Variants in CCR1 observed in about 807,000 individuals in gnomAD.
The protein encoded by CCR1 is C-C chemokine receptor type 1.
In CCR1, 1 loss-of-function variant was observed where a neutral mutation model predicts 0.3. The ratio of observed to expected loss-of-function variants is 3.70; its 90% CI spans 1.31 to 17.54. The LOEUF (loss-of-function observed/expected upper bound fraction) is 17.54. CCR1 is among the 30% of genes most tolerant of loss of function. CCR1 has a pLI of 0.11. For synonymous variants in CCR1, 207 were observed against 182.5 expected, an observed-to-expected ratio of 1.13 and a Z score of -1.08; for missense variants, 349 against 435.4, an observed-to-expected ratio of 0.80 and a Z score of 1.77.
rs200519093 is a variant in CCR1, at chr3:46,201,839, C to A, written c.*1407G>T. On this transcript the variant is annotated 3_prime_UTR_variant, in exon 2 of 2. Coordinates refer to ENST00000296140, the MANE Select transcript of CCR1 (RefSeq NM_001295.3). The stretch of plus-strand genomic sequence containing the variant: ...TCATAAATATGCACCCAACAAAAAA[C>A]AAACTAAAAGAAAATACACTCAAAA... 6.6e-6 allele frequency: 1 copy of A among 152,228 alleles called. No individual in the cohort carries two copies. The highest frequency in any genetic ancestry group is 1.9e-4 in the East Asian group (1 of 5,188). The allele number at this position is 152,228 out of a possible 1,614,324, so 9.4% of individuals were successfully genotyped here.
rs1314093334 is a variant in CCR1 at position 46,203,482 on chromosome 3, G to A, written c.832C>T (p.His278Tyr). 8.1e-6 allele frequency: 13 copies of A among 1,614,164 alleles called. No homozygotes were observed. Among genetic ancestry groups the A allele is most frequent in the Non-Finnish European group, 1.1e-5 (13 of 1,180,014 alleles). ...GTCACTTGCACAGCCAGGTCCAAAT[G>A]TCTGCTCTGCTCACACTCATGGGTG... ...LFTHECEQSRHLDLAVQVTEV... is the reference protein window; with the variant it reads ...LFTHECEQSRYLDLAVQVTEV... Residue 278 changes from histidine to tyrosine, a missense_variant, in exon 2 of 2, where the codon CAT (histidine) becomes TAT (tyrosine). His to Tyr is a moderately conservative substitution (Grantham distance 83). Transcript: ENST00000296140. The surrounding 1 kb of genome is among the most constrained non-coding windows in gnomAD (Gnocchi z 4.5).
intron 1 of CCR1, among the ~76,000 whole-genome samples, chr3:46,204,684 C>G (rs372748790): frequency 1.2e-4 from 19 of 152,290 alleles, no homozygotes; most frequent in African/African-American, 4.6e-4. Context: ...ACCCCCATGG[C>G]CTAGGCACTG....
chr3:46,206,662 AC>A (rs1038497899), intron 1 of CCR1, among the ~76,000 whole-genome samples: 1 of 151,610 alleles, frequency 6.6e-6, no homozygotes, highest in Non-Finnish European at 1.5e-5. Context: ...ACCTCCATAC[AC>A]CCCCTACCTC....
chr3:46,204,319 C>A lies in CCR1; in HGVS notation c.-6G>T. 6.5e-7 allele frequency: 1 copy of A among 1,538,816 alleles called. No individual in the cohort carries two copies. The highest frequency in any genetic ancestry group is 8.7e-7 in the Non-Finnish European group (1 of 1,143,886). ...GTGGTGTTTGGAGTTTCCATCCCGGCTTCTCCTACAGGTTAAAAAAAAAAA... is the reference window on the plus strand; with the variant it reads ...GTGGTGTTTGGAGTTTCCATCCCGGATTCTCCTACAGGTTAAAAAAAAAAA... On this transcript the variant is annotated 5_prime_UTR_variant, in exon 2 of 2. Coordinates refer to ENST00000296140, the MANE Select transcript of CCR1 (RefSeq NM_001295.3).
chr3:46,202,789 G>A lies in CCR1; in HGVS notation c.*457C>T, dbSNP rs3136668. On this transcript the variant is annotated 3_prime_UTR_variant, in exon 2 of 2. Coordinates refer to ENST00000296140, the MANE Select transcript of CCR1 (RefSeq NM_001295.3). ...TTGGCAGTGGGAGGGTGGCGGGGGG[G>A]GGGAGGTGATGGAAGAACAGAAATT... is the stretch of plus-strand genomic sequence containing the variant. 10,532 of 150,872 alleles carry A rather than the reference G, an allele frequency of 0.07. 625 individuals are homozygous for A. Among genetic ancestry groups the A allele is most frequent in the South Asian group, 0.27 (1,286 of 4,734 alleles). The allele number at this position is 150,872 out of a possible 1,614,324, so 9.3% of individuals were successfully genotyped here.
At position 46,203,294 on chromosome 3, in the gene CCR1, G is replaced by A. The variant is rs765310023; in HGVS notation, c.1020C>T (p.Ser340=). The A allele has an allele frequency of 6.2e-7, 1 of 1,614,176 alleles. No homozygotes were observed. Among genetic ancestry groups the A allele is most frequent in the South Asian group, 1.1e-5 (1 of 91,084 alleles). Reference sequence around the variant, plus strand: ...GCTCCCCTGTGGAGGGAGATGTGGAGCTGACCCTCTCCAGCCTGTCCACGG... The same window carrying A: ...GCTCCCCTGTGGAGGGAGATGTGGAACTGACCCTCTCCAGCCTGTCCACGG... ...FLSVDRLERV[S]STSPSTGEHE... The change falls in exon 2 of 2, where the codon AGC becomes AGT. Residue 340 remains serine, a synonymous_variant. Transcript: ENST00000296140. This position sits in a 1 kb window ranked among gnomAD's most constrained non-coding sequence, Gnocchi z 4.5.
chr3:46,203,564 G>A lies in CCR1; in HGVS notation c.750C>T (p.Leu250=), dbSNP rs557588978. 17 of 1,614,104 alleles carry A rather than the reference G, an allele frequency of 1.1e-5. No individual in the cohort carries two copies. The African/African-American group carries it at 1.3e-4, about 13-fold the overall frequency. ...LIFVIMIIFF[L]FWTPYNLTIL... ...TAGTCAAATTGTAGGGGGTCCAAAA[G>A]AGAAAAAAGATGATCATGATGACAA... The change falls in exon 2 of 2, where the codon CTC becomes CTT. Residue 250 remains leucine (L), a synonymous_variant. Transcript: ENST00000296140. The surrounding 1 kb of genome is among the most constrained non-coding windows in gnomAD (Gnocchi z 4.5).
At chr3:46,204,471 G>T (rs1452169775) in intron 1 of CCR1, 147 bp from the exon 2 acceptor site, 5 of 577,598 alleles carry the variant, frequency 8.7e-6, no homozygotes, top group South Asian at 7.7e-5. Context: ...ATGCCCTGGG[G>T]ACAAAATGGA....
intron 1 of CCR1, among the ~76,000 whole-genome samples, chr3:46,207,334 T>C (rs571075932): frequency 1.3e-5 from 2 of 152,164 alleles, no homozygotes; most frequent in African/African-American, 4.8e-5. Context: ...ATGAAGTAGA[T>C]ACCTATACGG....
Position 46,203,987 on chromosome 3 carries a change from G to A in CCR1, c.327C>T (p.Leu109=), listed in dbSNP as rs753780523. 5 of 1,614,044 alleles carry A rather than the reference G, an allele frequency of 3.1e-6. No homozygotes were observed. Among genetic ancestry groups the A allele is most frequent in the South Asian group, 1.1e-5 (1 of 91,090 alleles). Residue 109 remains leucine (L), a synonymous_variant, in exon 2 of 2, where the codon CTC becomes CTT. Coordinates refer to ENST00000296140, the MANE Select transcript of CCR1 (RefSeq NM_001295.3). The surrounding 1 kb of genome is among the most constrained non-coding windows in gnomAD (Gnocchi z 4.5). ...ACAAGCCTGTGTAATAAAACCCAGA[G>A]AGGATCTTACACATGGCATCACCAA... ...WVFGDAMCKI[L]SGFYYTGLYS...
chr3:46,207,524 G>A (rs1699657291), intron 1 of CCR1, among the ~76,000 whole-genome samples: 1 of 152,150 alleles, frequency 6.6e-6, no homozygotes, highest in Non-Finnish European at 1.5e-5. Context: ...CTTCTTAAGA[G>A]ATAGGTTCAG....
At position 46,203,050 on chromosome 3, in the gene CCR1, A is replaced by G; in HGVS notation, c.*196T>C. 1 of 532,596 alleles carries G rather than the reference A, an allele frequency of 1.9e-6. No homozygotes were observed. Among genetic ancestry groups the G allele is most frequent in the East Asian group, 2.9e-5 (1 of 33,956 alleles). 33.0% of individuals were successfully genotyped at this position (532,596 alleles called of 1,614,324 possible). ...TCATTCATCTTCTTTCTACCAGGGG[A>G]GAAGTTCATGGAAAAGACTGAAGCC... On this transcript the variant is annotated 3_prime_UTR_variant, in exon 2 of 2. Transcript: ENST00000296140. This position sits in a 1 kb window ranked among gnomAD's most constrained non-coding sequence, Gnocchi z 4.5.
At chr3:46,206,511 C>T (rs1244230413) in intron 1 of CCR1, among the ~76,000 whole-genome samples, 1 of 152,164 alleles carries the variant, frequency 6.6e-6, no homozygotes, top group African/African-American at 2.4e-5. Context: ...GGCAGGTTAA[C>T]AGTGGAAGTA....
rs148016231 is a variant in CCR1 at position 46,203,702 on chromosome 3, G to A, written c.612C>T (p.Asn204=). The A allele has an allele frequency of 5.0e-6, 8 of 1,614,050 alleles. No homozygotes were observed. The African/African-American group carries it at 8.0e-5, about 16-fold the overall frequency. The change falls in exon 2 of 2, where the codon AAC becomes AAT. Residue 204 remains asparagine, a synonymous_variant. Coordinates refer to ENST00000296140, the MANE Select transcript of CCR1 (RefSeq NM_001295.3). The surrounding 1 kb of genome is among the most constrained non-coding windows in gnomAD (Gnocchi z 4.5). ...EWKLFQALKL[N]LFGLVLPLLV... ...ACAAAGGCAATACCAGCCCAAAGAGGTTCAGTTTCAGAGCCTGAAACAGCT... is the reference window on the plus strand; with the variant it reads ...ACAAAGGCAATACCAGCCCAAAGAGATTCAGTTTCAGAGCCTGAAACAGCT...
Position 46,201,966 on chromosome 3 carries a change from T to C in CCR1, c.*1280A>G, listed in dbSNP as rs1304071314. On this transcript the variant is annotated 3_prime_UTR_variant, in exon 2 of 2. Transcript: ENST00000296140. Reference sequence around the variant, plus strand: ...TTTAAGCTGTTTTAGAAATAAGTTTTGTTATTAGGAAAATTATTTTTAAAG... The same window carrying C: ...TTTAAGCTGTTTTAGAAATAAGTTTCGTTATTAGGAAAATTATTTTTAAAG... 1 of 152,216 alleles carries C rather than the reference T, an allele frequency of 6.6e-6. No individual in the cohort carries two copies. The highest frequency in any genetic ancestry group is 1.9e-4 in the East Asian group (1 of 5,198). The allele number at this position is 152,216 out of a possible 1,614,324, so 9.4% of individuals were successfully genotyped here. A position where few individuals can be genotyped will look rare whatever the true frequency, so the allele number is the denominator to read the frequency against.
intron 1 of CCR1, among the ~76,000 whole-genome samples, chr3:46,205,162 A>T (rs984085991): frequency 1.3e-5 from 2 of 152,188 alleles, no homozygotes; most frequent in Non-Finnish European, 2.9e-5. Flanking sequence ...TGGTGTTGCC[A>T]TAGTGAAATC....
intron 1 of CCR1, among the ~76,000 whole-genome samples, chr3:46,207,482 C>T (rs1365154047): frequency 4.6e-5 from 7 of 152,136 alleles, no homozygotes; most frequent in Non-Finnish European, 1.0e-4. Flanking sequence ...CCAAAGATAG[C>T]AGTGCCAATT....
At chr3:46,206,216 T>TA (rs1433009377) in intron 1 of CCR1, among the ~76,000 whole-genome samples, 3 of 152,110 alleles carry the variant, frequency 2.0e-5, no homozygotes, top group Non-Finnish European at 4.4e-5. Flanking sequence ...TTTTTTTCAA[T>TA]AGCCATTGTA....
At chr3:46,206,470 C>A (rs1024464074) in intron 1 of CCR1, among the ~76,000 whole-genome samples, 1 of 152,100 alleles carries the variant, frequency 6.6e-6, no homozygotes, top group Non-Finnish European at 1.5e-5. Context: ...GCAGACAGTT[C>A]GGTTTGATAG....
Sources: allele counts gnomAD v4.1 joint callset (sites outside exome capture counted in the v4.1 genomes callset), GRCh38; gene constraint gnomAD v4.1.1; non-coding constraint Gnocchi (gnomAD v3.1); transcripts MANE v1.5; gene names NCBI Gene and HGNC (gene_info 2026-07-23, HGNC 2026-07-21).